IST1: variants seen among roughly 807,000 people sequenced by gnomAD.
IST1 encodes IST1 homolog.
IST1 carries 23 observed loss-of-function variants against 37.0 expected under a neutral mutation model. The ratio of observed to expected loss-of-function variants is 0.62; its 90% CI spans 0.45 to 0.88. The LOEUF is 0.88. IST1 is among the 40% of genes least tolerant of loss of function. IST1 has a pLI of 0.00. For missense variants in IST1, 488 were observed against 445.4 expected (o/e 1.10, Z -0.86); for synonymous variants, 180 against 161.7 (o/e 1.11, Z -0.86).
rs2037092043 is a variant in IST1, at chr16:71,900,835, G to GACA, written c.-16+5247_-16+5248insCAA. Among the ~76,000 whole-genome samples, 3 of 152,276 alleles carry GACA rather than the reference G, an allele frequency of 2.0e-5. No homozygotes were observed. In the South Asian group the frequency reaches 6.2e-4, roughly 32 times the overall value. On this transcript the variant is annotated intron_variant, in intron 1 of 9. Transcript: ENST00000378799. ...TTGAAGGCTAGGGAAGCTCTCATTTGAATGTCTGTTGTAGACAGTGGCTTA... is the reference window on the plus strand; with the variant it reads ...TTGAAGGCTAGGGAAGCTCTCATTTGACAAATGTCTGTTGTAGACAGTGGCTTA...
intron 1 of IST1, among the ~76,000 whole-genome samples, chr16:71,905,000 TA>T (rs199842904): frequency 1.3e-4 from 20 of 152,248 alleles, no homozygotes; most frequent in Non-Finnish European, 1.8e-4. Flanking sequence ...TAAATTCCAT[TA>T]AAAAATTTTT....
At position 71,928,202 on chromosome 16, in the gene IST1, G is replaced by A. The variant is rs2037798295; in HGVS notation, c.*389G>A. 4.0e-6 allele frequency: 1 copy of A among 250,998 alleles called. No homozygotes were observed. The highest frequency in any genetic ancestry group is 7.9e-6 in the Non-Finnish European group (1 of 127,128). The allele number at this position is 250,998 out of a possible 1,614,324, so 15.5% of individuals were successfully genotyped here. A position where few individuals can be genotyped will look rare whatever the true frequency, so the allele number is the denominator to read the frequency against. On this transcript the variant is annotated 3_prime_UTR_variant, in exon 10 of 10. Transcript: ENST00000378799. Reference sequence around the variant, plus strand: ...ACGTTGTGAAGCATCCCAGCCTCGTGTTGAGGTTCCAGACTTAGAAACAGA... The same window carrying A: ...ACGTTGTGAAGCATCCCAGCCTCGTATTGAGGTTCCAGACTTAGAAACAGA...
intron 4 of IST1, among the ~76,000 whole-genome samples, chr16:71,920,034 C>G (rs375691679): frequency 6.6e-6 from 1 of 152,232 alleles, no homozygotes; most frequent in Admixed American, 6.5e-5. Context: ...CTGGACCCTA[C>G]TGCTGTGTCC....
intron 1 of IST1, among the ~76,000 whole-genome samples, chr16:71,904,258 G>C (rs961660700): frequency 1.3e-5 from 2 of 152,158 alleles, no homozygotes; most frequent in Admixed American, 1.3e-4. Flanking sequence ...CAAGTAGCTG[G>C]GATTACAGGC....
chr16:71,924,672 G>A (rs936373117), intron 8 of IST1, 97 bp from the exon 9 acceptor site: 15 of 896,640 alleles, frequency 1.7e-5, no homozygotes, highest in Middle Eastern at 2.2e-4. Context: ...GTTGCATTTG[G>A]TGAGCAACTT....
intron 1 of IST1, among the ~76,000 whole-genome samples, chr16:71,900,213 A>C (rs2037073950): frequency 6.6e-6 from 1 of 151,264 alleles, no homozygotes; most frequent in Non-Finnish European, 1.5e-5. Flanking sequence ...ACACGTCAAA[A>C]CCAAAAGCTT....
At chr16:71,923,438 C>T (rs1597256332) in intron 8 of IST1, 58 bp downstream of exon 8, 3 of 1,080,432 alleles carry the variant, frequency 2.8e-6, no homozygotes, top group Admixed American at 1.8e-5. Flanking sequence ...GAAGAGCGAG[C>T]AAAATAATGA....
Position 71,898,590 on chromosome 16 carries a change from T to A in IST1, c.-16+3001T>A, listed in dbSNP as rs1482321225. 2.0e-5 allele frequency among the ~76,000 whole-genome samples: 3 copies of A among 150,302 alleles called. No individual in the cohort carries two copies. The South Asian group carries it at 6.3e-4, about 32-fold the overall frequency. On this transcript the variant is annotated intron_variant, in intron 1 of 9. Transcript: ENST00000378799. ...TACTTGGGAGGCTGAGGCAGGAGAA[T>A]TGCTTGAACCCAGGAGGTGGAGGTT...
At chr16:71,921,498 G>A in intron 6 of IST1, 45 bp downstream of exon 6, 1 of 1,104,620 alleles carries the variant, frequency 9.1e-7, no homozygotes, top group South Asian at 1.3e-5. Flanking sequence ...TTGTAGGTAT[G>A]ACCTTCTTTG....
Position 71,930,299 on chromosome 16 carries a change from CTT to C in IST1, c.*2487_*2488del, listed in dbSNP as rs2037895162. ...AGAAGAAAAGCTTATCCGAAGGAAA[CTT>C]AGGGAGAGAGTCAAAAGATAATAAG... On this transcript the variant is annotated 3_prime_UTR_variant, in exon 10 of 10. Transcript: ENST00000378799. The C allele has an allele frequency of 9.4e-7, 1 of 1,067,918 alleles. No individual in the cohort carries two copies. The highest frequency in any genetic ancestry group is 1.6e-5 in the African/African-American group (1 of 62,608). The allele number at this position is 1,067,918 out of a possible 1,614,324, so 66.2% of individuals were successfully genotyped here.
chr16:71,921,769 C>T (rs112962145), intron 6 of IST1: 28 of 268,880 alleles, frequency 1.0e-4, no homozygotes, highest in African/African-American at 3.3e-4. Flanking sequence ...AAACAGTTCC[C>T]GAAACATTTA....
chr16:71,914,751 C>A (rs756479635), intron 1 of IST1, among the ~76,000 whole-genome samples: 1 of 152,106 alleles, frequency 6.6e-6, no homozygotes, highest in African/African-American at 2.4e-5. Flanking sequence ...TTCTTTGGTG[C>A]TCTTTTGATT....
intron 1 of IST1, among the ~76,000 whole-genome samples, chr16:71,914,716 A>T (rs945952396): frequency 6.6e-6 from 1 of 152,168 alleles, no homozygotes; most frequent in Admixed American, 6.5e-5. Flanking sequence ...ACTAGTAGAC[A>T]AGTACTATTC....
chr16:71,899,339 G>T (rs1370078027), intron 1 of IST1, among the ~76,000 whole-genome samples: 1 of 152,140 alleles, frequency 6.6e-6, no homozygotes, highest in Non-Finnish European at 1.5e-5. Flanking sequence ...AGCACTTCGG[G>T]AGGTTGAGGC....
At chr16:71,902,053 C>G (rs923485107) in intron 1 of IST1, among the ~76,000 whole-genome samples, 1 of 152,162 alleles carries the variant, frequency 6.6e-6, no homozygotes, top group Admixed American at 6.5e-5. Context: ...GGTCCATTGA[C>G]TGGAATTTAT....
At chr16:71,918,242 C>A (rs923398637) in intron 4 of IST1, among the ~76,000 whole-genome samples, 1 of 152,168 alleles carries the variant, frequency 6.6e-6, no homozygotes, top group African/African-American at 2.4e-5. Flanking sequence ...AGAAGACTTA[C>A]ACTTAATTCT....
chr16:71,909,743 G>T (rs533362867), intron 1 of IST1, among the ~76,000 whole-genome samples: 1 of 152,220 alleles, frequency 6.6e-6, no homozygotes, highest in South Asian at 2.1e-4. Flanking sequence ...ATGAAAACTC[G>T]AGAATAACGC....
At chr16:71,902,289 A>G (rs528889357) in intron 1 of IST1, among the ~76,000 whole-genome samples, 83 of 151,720 alleles carry the variant, frequency 5.5e-4, no homozygotes, top group African/African-American at 1.9e-3. Flanking sequence ...TTTTTTTTTG[A>G]GACAAAGTCT....
chr16:71,901,959 G>T (rs1415220455), intron 1 of IST1, among the ~76,000 whole-genome samples: 1 of 152,170 alleles, frequency 6.6e-6, no homozygotes, highest in Non-Finnish European at 1.5e-5. Context: ...TATAAAGCAT[G>T]CCTTAAACAT....
Sources: allele counts gnomAD v4.1 joint callset (sites outside exome capture counted in the v4.1 genomes callset), GRCh38; gene constraint gnomAD v4.1.1; transcripts MANE v1.5; gene names NCBI Gene and HGNC (gene_info 2026-07-23, HGNC 2026-07-21).